The following TMEM231 variants were observed in gnomAD, a reference collection of about 807,000 sequenced individuals.
The protein encoded by TMEM231 is transmembrane protein 231.
In TMEM231, 40 loss-of-function variants were observed where a neutral mutation model predicts 38.5. The observed-to-expected ratio is 1.04, with a 90% confidence interval of 0.81 to 1.35. TMEM231 has a LOEUF of 1.35. TMEM231 is among the 40% of genes most tolerant of loss of function. TMEM231 has a pLI of 0.00. For synonymous variants in TMEM231, 199 were observed against 181.7 expected, an observed-to-expected ratio of 1.10 and a Z score of -0.77; for missense variants, 420 against 416.9, an observed-to-expected ratio of 1.01 and a Z score of -0.07.
At chr16:75,545,170 G>A (rs1322115368) in intron 4 of TMEM231, among the ~76,000 whole-genome samples, 182 bp downstream of exon 4, 2 of 151,800 alleles carry the variant, frequency 1.3e-5, no homozygotes, top group Non-Finnish European at 2.9e-5. Context: ...TGGCCAGACT[G>A]GTTTCAAACT....
chr16:75,545,018 A>T (rs1010437469), intron 4 of TMEM231, among the ~76,000 whole-genome samples: 1 of 134,540 alleles, frequency 7.4e-6, no homozygotes, highest in Non-Finnish European at 1.5e-5. Context: ...TGCAGTGGCG[A>T]GATCTCAGCT....
chr16:75,544,143 T>A (rs2080656584), intron 4 of TMEM231, among the ~76,000 whole-genome samples: 1 of 152,256 alleles, frequency 6.6e-6, no homozygotes, highest in African/African-American at 2.4e-5. Flanking sequence ...TCTGTGAGCT[T>A]ACCATCTGCC....
Position 75,538,199 on chromosome 16 carries a change from G to C in TMEM231, c.*1795C>G, listed in dbSNP as rs765145397. The C allele has an allele frequency of 2.6e-5, 4 of 152,084 alleles. No individual in the cohort carries two copies. Among genetic ancestry groups the C allele is most frequent in the Non-Finnish European group, 5.9e-5 (4 of 68,044 alleles). 9.4% of individuals were successfully genotyped at this position (152,084 alleles called of 1,614,324 possible). ...CTGTCACCCAGGCTACAGTACAGTG[G>C]TGCAATCATAGCACACTGCAGCCTC... On this transcript the variant is annotated 3_prime_UTR_variant, in exon 7 of 7. Coordinates refer to ENST00000258173, the MANE Select transcript of TMEM231 (RefSeq NM_001077418.3).
rs371734111 is a variant in TMEM231, at chr16:75,542,692, C to T, written c.583-9G>A. The T allele has an allele frequency of 2.2e-5, 35 of 1,613,272 alleles. No homozygotes were observed. In the African/African-American group the frequency reaches 2.9e-4, roughly 14 times the overall value. On this transcript the variant is annotated splice_polypyrimidine_tract_variant and intron_variant, in intron 4 of 6. Transcript: ENST00000258173. ...CCGTTGATCACGGATATCTGGGACA[C>T]GGGAGGAGGATGTGGTGTGAGCACC...
Position 75,545,964 on chromosome 16 carries a change from C to G in TMEM231, c.310-10G>C. On this transcript the variant is annotated splice_polypyrimidine_tract_variant and intron_variant, in intron 2 of 6. Coordinates refer to ENST00000258173, the MANE Select transcript of TMEM231 (RefSeq NM_001077418.3). ...TGTCTTCTTCTCTAGTCTAGGAAAC[C>G]CAAACAGGCCCAGCAGCCCTGGTCA... is the stretch of plus-strand genomic sequence containing the variant. 6.5e-7 allele frequency: 1 copy of G among 1,541,934 alleles called. No individual in the cohort carries two copies. Among genetic ancestry groups the G allele is most frequent in the Non-Finnish European group, 8.7e-7 (1 of 1,143,254 alleles).
Position 75,545,390 on chromosome 16 carries a change from G to A in TMEM231, c.544C>T (p.Gln182Ter), listed in dbSNP as rs760455133. 22 of 1,612,374 alleles carry A rather than the reference G, an allele frequency of 1.4e-5. No homozygotes were observed. Among genetic ancestry groups the A allele is most frequent in the Non-Finnish European group, 1.5e-5 (18 of 1,179,268 alleles). Residue 182 changes from glutamine (Q) to a stop codon, truncating the protein, a stop_gained, in exon 4 of 7, where the codon CAG (glutamine) becomes TAG (stop). Transcript: ENST00000258173. LOFTEE classifies it high-confidence loss of function. ...VNGDLRLQQK[Q>*]PLSCGGLDAR... The stretch of plus-strand genomic sequence containing the variant: ...TCTAGGCCACCACAGCTCAGCGGCT[G>A]CTTCTGCTGCAGCCTCAGGTCTCCG...
intron 2 of TMEM231, among the ~76,000 whole-genome samples, chr16:75,547,147 C>G (rs138466408): frequency 6.6e-6 from 1 of 152,324 alleles, no homozygotes; most frequent in Non-Finnish European, 1.5e-5. Context: ...GATCTTTTTG[C>G]TACAACTGAT....
rs372018476 is a variant in TMEM231, at chr16:75,542,645, G to C, written c.621C>G (p.Asp207Glu). 3.5e-5 allele frequency: 56 copies of C among 1,613,946 alleles called. No individual in the cohort carries two copies. The African/African-American group carries it at 4.4e-4, about 13-fold the overall frequency. The change falls in exon 5 of 7, where the codon GAC (aspartate) becomes GAG (glutamate). Residue 207 changes from aspartate (D) to glutamate (E), a missense_variant. By Grantham distance (45) the Asp-to-Glu change is conservative (BLOSUM62 2). Coordinates refer to ENST00000258173, the MANE Select transcript of TMEM231 (RefSeq NM_001077418.3). ...CAGCAACAATATGGGTGAGGTCGTAGTCATAGGCAAAGGGGCTGGTCCCGT... is the reference window on the plus strand; with the variant it reads ...CAGCAACAATATGGGTGAGGTCGTACTCATAGGCAAAGGGGCTGGTCCCGT... ...VINGTSPFAY[D>E]YDLTHIVAAY...
intron 2 of TMEM231, among the ~76,000 whole-genome samples, chr16:75,551,276 C>T (rs1451162035): frequency 6.6e-6 from 1 of 152,172 alleles, no homozygotes; most frequent in Non-Finnish European, 1.5e-5. Flanking sequence ...CAGCTCATTG[C>T]AGCCTTGACC....
chr16:75,552,820 T>A (rs1270483273), intron 2 of TMEM231, among the ~76,000 whole-genome samples: 1 of 152,148 alleles, frequency 6.6e-6, no homozygotes, highest in Non-Finnish European at 1.5e-5. Flanking sequence ...AGACACTGAT[T>A]TCAGGGATGA....
In TMEM231 at chr16:75,555,929, G is replaced by A. The variant is rs772102451; in HGVS notation, c.184C>T (p.Arg62Cys). 1.1e-5 allele frequency: 17 copies of A among 1,604,130 alleles called. No individual in the cohort carries two copies. The highest frequency in any genetic ancestry group is 6.7e-5 in the East Asian group (3 of 44,510). ...RSSYEEQPTV[R>C]FQHQVLLVAL... ...ACGAGCAGCACCTGGTGTTGGAAGC[G>A]CACGGTCGGCTGCTCCTCGTAGCTG... Residue 62 changes from arginine (R) to cysteine (C), a missense_variant, in exon 2 of 7, where the codon CGC becomes TGC. By Grantham distance (180) the Arg-to-Cys change is radical. Coordinates refer to ENST00000258173, the MANE Select transcript of TMEM231 (RefSeq NM_001077418.3).
chr16:75,549,549 T>A (rs1440268606), intron 2 of TMEM231, among the ~76,000 whole-genome samples: 1 of 152,170 alleles, frequency 6.6e-6, no homozygotes, highest in Non-Finnish European at 1.5e-5. Context: ...ACTAGGACCT[T>A]GTGGGACAAG....
At chr16:75,540,848 A>C (rs186610443) in intron 6 of TMEM231, among the ~76,000 whole-genome samples, 2,090 of 152,308 alleles carry the variant, frequency 0.014, 58 homozygotes, top group African/African-American at 0.048. Context: ...GCAGACATAC[A>C]GTCATTTTCT....
chr16:75,540,023 C>T lies in TMEM231; in HGVS notation c.922G>A (p.Gly308Arg). The change falls in exon 7 of 7, where the codon GGA becomes AGA. Residue 308 changes from glycine (G) to arginine (R), a missense_variant. By Grantham distance (125) the Gly-to-Arg change is moderately radical. Coordinates refer to ENST00000258173, the MANE Select transcript of TMEM231 (RefSeq NM_001077418.3). ...GATAAGTGCTCCTTACACAAGTCTC[C>T]CCGGGGCGTCACTGTCACAGGAATG... ...TTIPVTVTPR[G>R]DLCKEHLS The T allele has an allele frequency of 6.2e-7, 1 of 1,613,170 alleles. No individual in the cohort carries two copies. The highest frequency in any genetic ancestry group is 8.5e-7 in the Non-Finnish European group (1 of 1,179,528).
intron 6 of TMEM231, among the ~76,000 whole-genome samples, chr16:75,540,568 T>C (rs1567434172): frequency 6.6e-6 from 1 of 152,214 alleles, no homozygotes. Flanking sequence ...GTCTCTGGAA[T>C]TGTAATTCCT....
At position 75,539,782 on chromosome 16, in the gene TMEM231, C is replaced by A. The variant is rs1258915255; in HGVS notation, c.*212G>T. ...GCTAATTATAGCCTCCAGGAACTCT[C>A]AGACCTTTCCACAAACTAGTCCCTG... On this transcript the variant is annotated 3_prime_UTR_variant, in exon 7 of 7. Transcript: ENST00000258173. 2.3e-6 allele frequency: 1 copy of A among 434,786 alleles called. No individual in the cohort carries two copies. Among genetic ancestry groups the A allele is most frequent in the Non-Finnish European group, 4.0e-6 (1 of 248,568 alleles). The allele number at this position is 434,786 out of a possible 1,614,324, so 26.9% of individuals were successfully genotyped here.
intron 2 of TMEM231, among the ~76,000 whole-genome samples, chr16:75,553,478 C>A (rs1311974911): frequency 6.6e-6 from 1 of 151,722 alleles, no homozygotes; most frequent in African/African-American, 2.4e-5. Context: ...AAAAGTTAGC[C>A]CGGAGTGGTG....
intron 2 of TMEM231, among the ~76,000 whole-genome samples, chr16:75,548,676 C>A (rs1264713395): frequency 6.6e-6 from 1 of 152,158 alleles, no homozygotes. Flanking sequence ...CGAGAGCAGC[C>A]TGGGCAACAT....
intron 2 of TMEM231, among the ~76,000 whole-genome samples, chr16:75,550,243 G>C (rs2080742725): frequency 6.6e-6 from 1 of 152,236 alleles, no homozygotes; most frequent in Non-Finnish European, 1.5e-5. Context: ...ATGGGGCCAG[G>C]ACCTCTGAGC....
Sources: allele counts gnomAD v4.1 joint callset (sites outside exome capture counted in the v4.1 genomes callset), GRCh38; gene constraint gnomAD v4.1.1; transcripts MANE v1.5; gene names NCBI Gene and HGNC (gene_info 2026-07-23, HGNC 2026-07-21).